WNT3A: variants seen among roughly 807,000 people sequenced by gnomAD.
The protein encoded by WNT3A is protein Wnt-3a.
WNT3A carries 17 observed loss-of-function variants against 37.0 expected under a neutral mutation model. That is an observed-to-expected ratio of 0.46 (90% CI 0.31 to 0.69). The LOEUF (loss-of-function observed/expected upper bound fraction) is 0.69, where lower values mean the gene tolerates loss of function less well. Among genes scored for constraint, WNT3A ranks in the 30% least tolerant of loss-of-function variants. The probability of loss-of-function intolerance (pLI) is 0.05; values close to 1 mark genes in which losing one functional copy is unlikely to be tolerated. For missense variants in WNT3A, 411 were observed against 510.2 expected, an observed-to-expected ratio of 0.81 and a Z score of 1.87; for synonymous variants, 187 against 211.0, an observed-to-expected ratio of 0.89 and a Z score of 0.99.
At position 228,059,262 on chromosome 1, in the gene WNT3A, G is replaced by A; in HGVS notation, c.856G>A (p.Glu286Lys). ...GCCCAACTTCTGCGAGCCCAACCCT[G>A]AGACGGGCTCCTTCGGCACGCGCGA... ...ASPNFCEPNP[E>K]TGSFGTRDRT... Residue 286 changes from glutamate to lysine, a missense_variant, in exon 4 of 4, where the codon GAG (glutamate) becomes AAG (lysine). Transcript: ENST00000284523. The A allele has an allele frequency of 6.2e-7, 1 of 1,606,040 alleles. No homozygotes were observed. The highest frequency in any genetic ancestry group is 8.5e-7 in the Non-Finnish European group (1 of 1,178,644).
intron 1 of WNT3A, among the ~76,000 whole-genome samples, chr1:228,020,055 G>A (rs971734602): frequency 2.2e-4 from 33 of 152,294 alleles, no homozygotes; most frequent in African/African-American, 4.8e-4. Flanking sequence ...GCAAAACCCC[G>A]TCTACTAAAA....
chr1:228,013,642 T>C (rs72754290), intron 1 of WNT3A, among the ~76,000 whole-genome samples: 5 of 152,274 alleles, frequency 3.3e-5, no homozygotes, highest in Admixed American at 1.3e-4. Flanking sequence ...CCTTAAGTCC[T>C]GGGGACCCTG....
intron 3 of WNT3A, among the ~76,000 whole-genome samples, chr1:228,055,219 TAC>T (rs1553311030): frequency 1.0e-5 from 1 of 98,488 alleles, no homozygotes; most frequent in Non-Finnish European, 1.9e-5. Context: ...TATATATATA[TAC>T]ACACACACAA....
In WNT3A at chr1:228,008,725, C is replaced by T. The variant is rs2030279378; in HGVS notation, c.71+1526C>T. Among the ~76,000 whole-genome samples, 1 of 152,140 alleles carries T rather than the reference C, an allele frequency of 6.6e-6. No homozygotes were observed. Among genetic ancestry groups the T allele is most frequent in the South Asian group, 2.1e-4 (1 of 4,832 alleles). ...TTACGCACCAGGCTTCTAATTAGAA[C>T]CCGCCGCCGCGTTCCTGAGCGCAAA... On this transcript the variant is annotated intron_variant, in intron 1 of 3. Coordinates refer to ENST00000284523, the MANE Select transcript of WNT3A (RefSeq NM_033131.4). This position sits in a 1 kb window ranked among gnomAD's most constrained non-coding sequence, Gnocchi z 4.9.
chr1:228,021,246 C>T (rs538503944), intron 1 of WNT3A, among the ~76,000 whole-genome samples: 30 of 152,274 alleles, frequency 2.0e-4, no homozygotes, highest in African/African-American at 6.3e-4. Context: ...CTGGTGCCAC[C>T]GAAGGGCTGA....
Position 228,033,348 on chromosome 1 carries a change from G to A in WNT3A, c.313+10440G>A, listed in dbSNP as rs139205702. Among the ~76,000 whole-genome samples, 6 of 152,180 alleles carry A rather than the reference G, an allele frequency of 3.9e-5. No individual in the cohort carries two copies. In the East Asian group the frequency reaches 5.8e-4, roughly 15 times the overall value. On this transcript the variant is annotated intron_variant, in intron 2 of 3. Coordinates refer to ENST00000284523, the MANE Select transcript of WNT3A (RefSeq NM_033131.4). ...ATCTCGGTCTTTAATTTTCATCGAC[G>A]ATGTGAGGCAGGGATCCAATCACAT... is the stretch of plus-strand genomic sequence containing the variant.
In WNT3A at chr1:228,007,140, C is replaced by A; in HGVS notation, c.12C>A (p.Leu4=). Residue 4 remains leucine (L), a synonymous_variant, in exon 1 of 4, where the codon CTC becomes CTA. Coordinates refer to ENST00000284523, the MANE Select transcript of WNT3A (RefSeq NM_033131.4). This position sits in a 1 kb window ranked among gnomAD's most constrained non-coding sequence, Gnocchi z 6.0. ...CCTCTCGCGCGGCGATGGCCCCACT[C>A]GGATACTTCTTACTCCTCTGCAGCC... is the stretch of plus-strand genomic sequence containing the variant. MAP[L]GYFLLLCSLK... The A allele has an allele frequency of 1.9e-6, 3 of 1,592,966 alleles. No individual in the cohort carries two copies. Among genetic ancestry groups the A allele is most frequent in the Non-Finnish European group, 2.6e-6 (3 of 1,170,812 alleles).
chr1:228,024,195 G>T (rs781477879), intron 2 of WNT3A, among the ~76,000 whole-genome samples: 42 of 152,280 alleles, frequency 2.8e-4, no homozygotes, highest in African/African-American at 9.9e-4. Context: ...ATTCTGTTTC[G>T]CTTTGCTTGA....
intron 1 of WNT3A, among the ~76,000 whole-genome samples, chr1:228,018,836 C>A (rs945138541): frequency 6.6e-6 from 1 of 152,256 alleles, no homozygotes; most frequent in Non-Finnish European, 1.5e-5. Flanking sequence ...TTTCCACCCT[C>A]CTCAGGCAGG....
In WNT3A at chr1:228,007,711, C is replaced by G. The variant is rs2030241327; in HGVS notation, c.71+512C>G. Among the ~76,000 whole-genome samples, 1 of 152,112 alleles carries G rather than the reference C, an allele frequency of 6.6e-6. No individual in the cohort carries two copies. The highest frequency in any genetic ancestry group is 2.4e-5 in the African/African-American group (1 of 41,444). ...TGGTTACGTAAAGAAAGCTGGGACC[C>G]GGCGGGGAGTGGCGCAGAGCCGGCG... On this transcript the variant is annotated intron_variant, in intron 1 of 3. Transcript: ENST00000284523. This position sits in a 1 kb window ranked among gnomAD's most constrained non-coding sequence, Gnocchi z 6.0.
intron 2 of WNT3A, among the ~76,000 whole-genome samples, chr1:228,033,327 C>T (rs60213528): frequency 0.078 from 11,728 of 150,402 alleles, 557 homozygotes; most frequent in South Asian, 0.12. Context: ...GCTTACATCT[C>T]GGTCTTTAAT....
intron 2 of WNT3A, among the ~76,000 whole-genome samples, chr1:228,040,968 A>ATT (rs1217554235): frequency 2.3e-5 from 3 of 128,608 alleles, no homozygotes; most frequent in East Asian, 4.8e-4. Context: ...GATGGTAGAT[A>ATT]TTTTATATAT....
intron 2 of WNT3A, among the ~76,000 whole-genome samples, chr1:228,028,454 A>T (rs2102767864): frequency 6.6e-6 from 1 of 152,184 alleles, no homozygotes; most frequent in South Asian, 2.1e-4. Flanking sequence ...GGCATGTGCC[A>T]CAATACCTGG....
chr1:228,053,879 G>A (rs1397625839), intron 3 of WNT3A, among the ~76,000 whole-genome samples: 1 of 152,062 alleles, frequency 6.6e-6, no homozygotes. Flanking sequence ...ATATATTTTT[G>A]TATGTCTATT....
Position 228,059,785 on chromosome 1 carries a change from C to T in WNT3A, c.*320C>T. On this transcript the variant is annotated 3_prime_UTR_variant, in exon 4 of 4. Coordinates refer to ENST00000284523, the MANE Select transcript of WNT3A (RefSeq NM_033131.4). Reference sequence around the variant, plus strand: ...CGGGGCTACAGATTGGGCGGGGCTTCTCTTGGGTGGGACAGGGCTTCTCCT... The same window carrying T: ...CGGGGCTACAGATTGGGCGGGGCTTTTCTTGGGTGGGACAGGGCTTCTCCT... 8.6e-7 allele frequency: 1 copy of T among 1,159,490 alleles called. No homozygotes were observed. The highest frequency in any genetic ancestry group is 1.1e-6 in the Non-Finnish European group (1 of 940,194). 71.8% of individuals were successfully genotyped at this position (1,159,490 alleles called of 1,614,324 possible).
chr1:228,040,379 A>G (rs891743003), intron 2 of WNT3A, among the ~76,000 whole-genome samples: 1 of 152,244 alleles, frequency 6.6e-6, no homozygotes, highest in Admixed American at 6.5e-5. Flanking sequence ...CTCAGCAGCT[A>G]CCTTCTGAGC....
In WNT3A at chr1:228,007,959, G is replaced by A. The variant is rs931031972; in HGVS notation, c.71+760G>A. ...CTGCGCCCTCCACACCAGAAAAGGC[G>A]CGTTCCGTGAGACCCTCCCCAGCCT... On this transcript the variant is annotated intron_variant, in intron 1 of 3. Transcript: ENST00000284523. This position sits in a 1 kb window ranked among gnomAD's most constrained non-coding sequence, Gnocchi z 6.0. Among the ~76,000 whole-genome samples the A allele has an allele frequency of 6.6e-6, 1 of 152,180 alleles. No homozygotes were observed. Among genetic ancestry groups the A allele is most frequent in the African/African-American group, 2.4e-5 (1 of 41,452 alleles).
rs1386913280 is a variant in WNT3A, at chr1:228,061,226, T to G, written c.*1761T>G. On this transcript the variant is annotated 3_prime_UTR_variant, in exon 4 of 4. Coordinates refer to ENST00000284523, the MANE Select transcript of WNT3A (RefSeq NM_033131.4). Reference sequence around the variant, plus strand: ...AAATTCTGCGTTTTTGGTTTTAATGTTATATCTGATGCTGCTATATCCACT... The same window carrying G: ...AAATTCTGCGTTTTTGGTTTTAATGGTATATCTGATGCTGCTATATCCACT... 2 of 152,666 alleles carry G rather than the reference T, an allele frequency of 1.3e-5. No individual in the cohort carries two copies. Among genetic ancestry groups the G allele is most frequent in the Non-Finnish European group, 2.9e-5 (2 of 68,044 alleles). The allele number at this position is 152,666 out of a possible 1,614,324, so 9.5% of individuals were successfully genotyped here. A position where few individuals can be genotyped will look rare whatever the true frequency, so the allele number is the denominator to read the frequency against.
intron 2 of WNT3A, among the ~76,000 whole-genome samples, chr1:228,045,312 A>G (rs1334371957): frequency 1.3e-5 from 2 of 152,188 alleles, no homozygotes; most frequent in Non-Finnish European, 2.9e-5. Context: ...GTGGGAAGGC[A>G]GACTCAGCTG....
Sources: gnomAD v4.1 joint callset for allele counts (sites outside exome capture counted in the v4.1 genomes callset) on GRCh38, gnomAD v4.1.1 for gene constraint, Gnocchi (gnomAD v3.1) non-coding constraint, MANE v1.5 for transcripts, NCBI Gene and HGNC (gene_info 2026-07-23, HGNC 2026-07-21) for gene names.